The following RCC2 variants were observed in gnomAD, a reference collection of about 807,000 sequenced individuals.
RCC2 encodes the protein regulator of chromosome condensation 2, also known as protein RCC2.
A neutral mutation model predicts 64.1 loss-of-function variants in RCC2; 19 were observed. The observed-to-expected ratio is 0.30, with a 90% CI of 0.21 to 0.44. RCC2 has a LOEUF of 0.44. Among genes scored for constraint, RCC2 ranks in the 20% least tolerant of loss-of-function variants. The pLI, the probability that RCC2 is intolerant of heterozygous loss-of-function variation, is 1.00. For synonymous variants in RCC2, 325 were observed against 279.6 expected, an observed-to-expected ratio of 1.16 and a Z score of -1.62; for missense variants, 508 against 710.4, an observed-to-expected ratio of 0.72 and a Z score of 3.24.
intron 12 of RCC2, among the ~76,000 whole-genome samples, chr1:17,409,695 C>T (rs185344997): frequency 1.3e-5 from 2 of 152,344 alleles, no homozygotes; most frequent in African/African-American, 2.4e-5. Context: ...GATGGAGACG[C>T]GAGCGATGTG....
At chr1:17,419,304 A>C (rs1386044459) in intron 7 of RCC2, among the ~76,000 whole-genome samples, 1 of 152,168 alleles carries the variant, frequency 6.6e-6, no homozygotes, top group Non-Finnish European at 1.5e-5. Context: ...GGTTGCAGTG[A>C]ACTGAGATCA....
intron 1 of RCC2, 182 bp from the exon 2 acceptor site, chr1:17,438,704 C>T (rs1003587235): frequency 3.2e-5 from 17 of 525,824 alleles, no homozygotes; most frequent in African/African-American, 1.6e-4. Context: ...CTGGCCCCGG[C>T]GCGGCTCCTT....
chr1:17,438,831 G>GC (rs1313015263), intron 1 of RCC2, among the ~76,000 whole-genome samples: 2 of 152,074 alleles, frequency 1.3e-5, no homozygotes, highest in South Asian at 2.1e-4. Flanking sequence ...TTGCAACCTC[G>GC]CCCCCCAAAA....
intron 5 of RCC2, 122 bp from the exon 6 acceptor site, chr1:17,422,413 C>G (rs1026545484): frequency 2.2e-6 from 2 of 922,026 alleles, no homozygotes; most frequent in Admixed American, 4.7e-5. Context: ...GCAAGTGAGA[C>G]TGCCCAAAAG....
chr1:17,436,237 G>A (rs1159532227), intron 2 of RCC2, among the ~76,000 whole-genome samples: 1 of 152,146 alleles, frequency 6.6e-6, no homozygotes, highest in African/African-American at 2.4e-5. Flanking sequence ...CACAGGGCTC[G>A]CGCCTGTCAT....
chr1:17,427,631 C>T (rs1173642025), intron 3 of RCC2, among the ~76,000 whole-genome samples: 5 of 152,092 alleles, frequency 3.3e-5, no homozygotes, highest in Non-Finnish European at 7.4e-5. Context: ...ACACAGGAGG[C>T]CACGGGACGC....
At chr1:17,423,019 G>A (rs971997868) in intron 4 of RCC2, among the ~76,000 whole-genome samples, 183 bp from the exon 5 acceptor site, 18 of 152,080 alleles carry the variant, frequency 1.2e-4, no homozygotes, top group African/African-American at 4.1e-4. Context: ...CTGGAATGGC[G>A]CCTGCTGCAG....
At position 17,423,081 on chromosome 1, in the gene RCC2, C is replaced by T. The variant is rs572149874; in HGVS notation, c.524-245G>A. Among the ~76,000 whole-genome samples the T allele has an allele frequency of 2.0e-5, 3 of 152,340 alleles. No individual in the cohort carries two copies. In the South Asian group the frequency reaches 6.2e-4, roughly 32 times the overall value. On this transcript the variant is annotated intron_variant, in intron 4 of 12. Coordinates refer to ENST00000375436, the MANE Select transcript of RCC2 (RefSeq NM_018715.4). Reference sequence around the variant, plus strand: ...GCAGCGGGACCACCCGTGCACACCTCCCACGTCTCTGCTACAAAGGGAAAT... The same window carrying T: ...GCAGCGGGACCACCCGTGCACACCTTCCACGTCTCTGCTACAAAGGGAAAT...
intron 7 of RCC2, among the ~76,000 whole-genome samples, chr1:17,418,213 AT>A (rs751372153): frequency 0.33 from 42,841 of 128,508 alleles, 5,494 homozygotes; most frequent in South Asian, 0.38. Flanking sequence ...AGCAGGTTCT[AT>A]TTTTTTTTTT....
At chr1:17,415,922 G>A (rs1300407467) in intron 8 of RCC2, among the ~76,000 whole-genome samples, 10 of 150,812 alleles carry the variant, frequency 6.6e-5, no homozygotes, top group Admixed American at 1.3e-4. Flanking sequence ...TACAAAACTA[G>A]CCGGGGCATG....
chr1:17,408,926 T>G lies in RCC2; in HGVS notation c.*164A>C, dbSNP rs2075395182. ...GAAAGCATACAGAAAAAAAGGTAGT[T>G]AACGTTGGATCATGTGTAAAACGGA... On this transcript the variant is annotated 3_prime_UTR_variant, in exon 13 of 13. Coordinates refer to ENST00000375436, the MANE Select transcript of RCC2 (RefSeq NM_018715.4). 1 of 588,902 alleles carries G rather than the reference T, an allele frequency of 1.7e-6. No homozygotes were observed. Among genetic ancestry groups the G allele is most frequent in the Admixed American group, 2.9e-5 (1 of 34,718 alleles). The allele number at this position is 588,902 out of a possible 1,614,324, so 36.5% of individuals were successfully genotyped here.
chr1:17,437,070 G>C (rs6586542), intron 2 of RCC2, among the ~76,000 whole-genome samples: 60,908 of 152,090 alleles, frequency 0.4, 12,754 homozygotes, highest in African/African-American at 0.53. Context: ...GGGACATCAG[G>C]AGTTACAGCA....
chr1:17,430,629 T>C (rs1470022350), intron 2 of RCC2, among the ~76,000 whole-genome samples: 1 of 151,930 alleles, frequency 6.6e-6, no homozygotes, highest in African/African-American at 2.4e-5. Flanking sequence ...CTACTAAAAA[T>C]ACAAAAAAAT....
intron 11 of RCC2, among the ~76,000 whole-genome samples, chr1:17,410,962 C>T (rs2075418588): frequency 6.6e-6 from 1 of 152,156 alleles, no homozygotes; most frequent in African/African-American, 2.4e-5. Context: ...TCTTTCCTGT[C>T]AATGTTTCAA....
chr1:17,425,515 G>C, intron 4 of RCC2, 26 bp downstream of exon 4: 1 of 1,571,714 alleles, frequency 6.4e-7, no homozygotes, highest in South Asian at 1.1e-5. Flanking sequence ...GTGGTCCCCA[G>C]TGCCCAGCAC....
intron 2 of RCC2, among the ~76,000 whole-genome samples, chr1:17,433,404 CGGGCTCCACCCG>C (rs1557634954): frequency 6.6e-6 from 1 of 152,148 alleles, no homozygotes; most frequent in South Asian, 2.1e-4. Context: ...CCCGCGCTTG[CGGGCTCCACCCG>C]GGGCGGCGGG....
At chr1:17,419,076 T>A (rs2075522367) in intron 7 of RCC2, among the ~76,000 whole-genome samples, 1 of 152,122 alleles carries the variant, frequency 6.6e-6, no homozygotes, top group Non-Finnish European at 1.5e-5. Flanking sequence ...ATGGCATGGC[T>A]GGGCACGGTG....
chr1:17,429,466 A>C (rs1476331015), intron 2 of RCC2, among the ~76,000 whole-genome samples: 2 of 152,100 alleles, frequency 1.3e-5, no homozygotes, highest in Non-Finnish European at 2.9e-5. Context: ...TAGCTTTTGC[A>C]AAACACTAAA....
intron 8 of RCC2, among the ~76,000 whole-genome samples, chr1:17,414,337 C>T (rs1251282383): frequency 1.3e-5 from 2 of 152,052 alleles, no homozygotes; most frequent in African/African-American, 4.8e-5. Context: ...CAAGACCAGC[C>T]TGGGCAACAT....
Sources: gnomAD v4.1 joint callset for allele counts (sites outside exome capture counted in the v4.1 genomes callset) on GRCh38, gnomAD v4.1.1 for gene constraint, MANE v1.5 for transcripts, NCBI Gene and HGNC (gene_info 2026-07-23, HGNC 2026-07-21) for gene names.